MARK1: variants seen among roughly 807,000 people sequenced by gnomAD.
MARK1 encodes the protein microtubule affinity regulating kinase 1, also known as serine/threonine-protein kinase MARK1.
Under a neutral mutation model 96.3 loss-of-function variants are expected in MARK1, and 40 were observed. The ratio of observed to expected loss-of-function variants is 0.42; its 90% CI spans 0.32 to 0.54. The LOEUF (loss-of-function observed/expected upper bound fraction) is 0.54, where lower values mean the gene tolerates loss of function less well. MARK1 is among the 20% of genes least tolerant of loss of function. MARK1 has a pLI of 0.16. For synonymous variants in MARK1, 317 were observed against 341.2 expected (o/e 0.93, Z 0.78); for missense variants, 719 against 984.6 (o/e 0.73, Z 3.61).
intron 3 of MARK1, among the ~76,000 whole-genome samples, chr1:220,594,945 C>T (rs1665232893): frequency 6.6e-6 from 1 of 152,090 alleles, no homozygotes; most frequent in Non-Finnish European, 1.5e-5. Context: ...ATGATGGGTA[C>T]ATGTCTAAAC....
intron 17 of MARK1, among the ~76,000 whole-genome samples, chr1:220,660,029 T>G (rs1669389732): frequency 1.3e-5 from 2 of 152,346 alleles, no homozygotes; most frequent in South Asian, 4.1e-4. Context: ...CTCATGGTCC[T>G]GCCACCTTGG....
At chr1:220,620,684 C>G (rs1667008024) in intron 9 of MARK1, among the ~76,000 whole-genome samples, 2 of 151,900 alleles carry the variant, frequency 1.3e-5, no homozygotes, top group African/African-American at 4.8e-5. Flanking sequence ...AATTTAAAAG[C>G]CAAATTTTTA....
chr1:220,579,291 T>G, intron 1 of MARK1, 63 bp from the exon 2 acceptor site: 5 of 1,136,844 alleles, frequency 4.4e-6, no homozygotes, highest in Non-Finnish European at 6.5e-6. Flanking sequence ...ATTTGTACTC[T>G]TTTTACTTGT....
intron 1 of MARK1, among the ~76,000 whole-genome samples, chr1:220,573,448 T>A (rs537892367): frequency 1.2e-4 from 19 of 152,212 alleles, no homozygotes; most frequent in African/African-American, 4.3e-4. Flanking sequence ...CTTAGCCTCC[T>A]GAGTAGCGGG....
chr1:220,529,323 C>T (rs754291990), intron 1 of MARK1, among the ~76,000 whole-genome samples: 3 of 152,206 alleles, frequency 2.0e-5, no homozygotes, highest in South Asian at 2.1e-4. Flanking sequence ...CTCCTCCCCC[C>T]GCATTGCCCC....
intron 1 of MARK1, among the ~76,000 whole-genome samples, chr1:220,564,090 CAA>C (rs1463792467): frequency 1.3e-5 from 2 of 152,110 alleles, no homozygotes; most frequent in African/African-American, 2.4e-5. Flanking sequence ...TAGTGAGAGA[CAA>C]AGTAGAAATC....
chr1:220,592,219 C>CAT (rs959896118), intron 3 of MARK1, among the ~76,000 whole-genome samples: 3 of 136,542 alleles, frequency 2.2e-5, no homozygotes, highest in African/African-American at 8.1e-5. Flanking sequence ...ATGATTATAT[C>CAT]ATATTATATT....
intron 3 of MARK1, among the ~76,000 whole-genome samples, chr1:220,596,590 C>G (rs1380363065): frequency 6.6e-6 from 1 of 152,036 alleles, no homozygotes; most frequent in Admixed American, 6.6e-5. Flanking sequence ...TTGAGAATAG[C>G]TAGGGAAAGC....
At chr1:220,635,614 A>G in intron 12 of MARK1, 85 bp downstream of exon 12, 1 of 1,439,118 alleles carries the variant, frequency 6.9e-7, no homozygotes, top group Admixed American at 2.2e-5. Flanking sequence ...TCACGTCTCT[A>G]TGTGCTTGTG....
At chr1:220,626,179 G>T in intron 9 of MARK1, 1 of 586,468 alleles carries the variant, frequency 1.7e-6, no homozygotes. Context: ...TGAGGCATCT[G>T]GCTTCTATTA....
chr1:220,651,913 G>A (rs1306472585), intron 14 of MARK1, 73 bp from the exon 15 acceptor site: 5 of 1,255,930 alleles, frequency 4.0e-6, no homozygotes, highest in Admixed American at 2.3e-5. Flanking sequence ...TTAAAATATA[G>A]TTCTTAAATT....
At chr1:220,653,422 A>T in intron 16 of MARK1, 70 bp downstream of exon 16, 1 of 1,445,078 alleles carries the variant, frequency 6.9e-7, no homozygotes, top group Non-Finnish European at 9.3e-7. Flanking sequence ...TTTTTAAAAA[A>T]ATCTTTATAA....
intron 9 of MARK1, among the ~76,000 whole-genome samples, chr1:220,622,139 G>A (rs1667082776): frequency 6.6e-6 from 1 of 152,082 alleles, no homozygotes; most frequent in African/African-American, 2.4e-5. Context: ...TGTGCTTTAT[G>A]TTGTACACTA....
chr1:220,552,080 C>T (rs957386407), intron 1 of MARK1, among the ~76,000 whole-genome samples: 1 of 152,174 alleles, frequency 6.6e-6, no homozygotes, highest in Admixed American at 6.5e-5. Flanking sequence ...TAATAGCAAC[C>T]TAATTTTCCC....
chr1:220,632,710 A>G (rs1207678375), intron 11 of MARK1, among the ~76,000 whole-genome samples: 1 of 152,198 alleles, frequency 6.6e-6, no homozygotes, highest in Non-Finnish European at 1.5e-5. Context: ...GGATTTTTAA[A>G]AGAGGTAACT....
At chr1:220,597,622 A>G (rs1665465847) in intron 3 of MARK1, among the ~76,000 whole-genome samples, 1 of 152,182 alleles carries the variant, frequency 6.6e-6, no homozygotes, top group African/African-American at 2.4e-5. Flanking sequence ...AATATCACCA[A>G]TTTTTGGTTC....
intron 1 of MARK1, among the ~76,000 whole-genome samples, chr1:220,533,661 T>G (rs372314562): frequency 6.6e-6 from 1 of 152,212 alleles, no homozygotes; most frequent in South Asian, 2.1e-4. Context: ...TTCCATTGTC[T>G]ATTGATATAC....
Position 220,650,715 on chromosome 1 carries a change from C to T in MARK1, c.1566C>T (p.Asp522=). The change falls in exon 14 of 18, where the codon GAC becomes GAT. Residue 522 remains aspartate (D), a synonymous_variant. Transcript: ENST00000366917. ...DRYVALQNGK[D]SSLTEMSVSS... is the part of the protein sequence containing the mutation. ...ACGTAGCATTGCAGAATGGAAAAGA[C>T]AGCAGGTAAATGCCACAGTGCCAAG... 1 of 1,611,388 alleles carries T rather than the reference C, an allele frequency of 6.2e-7. No homozygotes were observed. Among genetic ancestry groups the T allele is most frequent in the African/African-American group, 1.3e-5 (1 of 74,964 alleles).
At chr1:220,572,683 A>T (rs564851385) in intron 1 of MARK1, among the ~76,000 whole-genome samples, 1 of 152,288 alleles carries the variant, frequency 6.6e-6, no homozygotes, top group East Asian at 1.9e-4. Context: ...GAACAGTCAT[A>T]TGTCTTTTAA....
Sources: gnomAD v4.1 joint callset for allele counts (sites outside exome capture counted in the v4.1 genomes callset) on GRCh38, gnomAD v4.1.1 for gene constraint, MANE v1.5 for transcripts, NCBI Gene and HGNC (gene_info 2026-07-23, HGNC 2026-07-21) for gene names.